The following PLAC8 variants were observed in gnomAD, a reference collection of about 807,000 sequenced individuals.
PLAC8 encodes the protein placenta associated 8.
In PLAC8, 6 loss-of-function variants were observed where a neutral mutation model predicts 12.6. The ratio of observed to expected loss-of-function variants is 0.48; its 90% CI spans 0.26 to 0.94. The LOEUF (loss-of-function observed/expected upper bound fraction) is 0.94. Ranked by LOEUF, PLAC8 falls within the 40% of genes least tolerant of loss-of-function variation. The pLI, the probability that PLAC8 is intolerant of heterozygous loss-of-function variation, is 0.14. For missense variants in PLAC8, 122 were observed against 152.7 expected, an observed-to-expected ratio of 0.80 and a Z score of 1.06; for synonymous variants, 54 against 52.6, an observed-to-expected ratio of 1.03 and a Z score of -0.11.
At chr4:83,099,692 G>A (rs1439628611) in intron 3 of PLAC8, among the ~76,000 whole-genome samples, 1 of 151,956 alleles carries the variant, frequency 6.6e-6, no homozygotes, top group African/African-American at 2.4e-5. Flanking sequence ...CGTGAGATCT[G>A]GTTGTTTAAA....
At chr4:83,091,157 A>C (rs982522677) in intron 4 of PLAC8, among the ~76,000 whole-genome samples, 186 bp from the exon 5 acceptor site, 1 of 152,214 alleles carries the variant, frequency 6.6e-6, no homozygotes, top group Admixed American at 6.6e-5. Flanking sequence ...AGGTTTGTCA[A>C]AACTAATGAA....
chr4:83,106,238 AT>A (rs1732237178), intron 2 of PLAC8, among the ~76,000 whole-genome samples: 1 of 151,530 alleles, frequency 6.6e-6, no homozygotes, highest in African/African-American at 2.4e-5. Flanking sequence ...TGACCTTGTG[AT>A]CTGCCCGCCT....
At chr4:83,104,688 A>C (rs1305774738) in intron 3 of PLAC8, among the ~76,000 whole-genome samples, 1 of 152,190 alleles carries the variant, frequency 6.6e-6, no homozygotes, top group East Asian at 1.9e-4. Context: ...AATATGAGTT[A>C]TCAATTTTCT....
intron 3 of PLAC8, among the ~76,000 whole-genome samples, chr4:83,097,358 G>A (rs1413068431): frequency 6.6e-6 from 1 of 152,030 alleles, no homozygotes; most frequent in Non-Finnish European, 1.5e-5. Context: ...AAACTTTAAC[G>A]CCTTTTTGTT....
At chr4:83,099,810 A>G (rs1318252300) in intron 3 of PLAC8, among the ~76,000 whole-genome samples, 2 of 136,510 alleles carry the variant, frequency 1.5e-5, no homozygotes, top group East Asian at 2.0e-4. Flanking sequence ...ATCCTGGCCA[A>G]CATGGTGAAA....
intron 2 of PLAC8, among the ~76,000 whole-genome samples, chr4:83,106,289 A>G (rs905048074): frequency 6.6e-6 from 1 of 151,468 alleles, no homozygotes; most frequent in Non-Finnish European, 1.5e-5. Context: ...GTGAGCCACC[A>G]CGCCCAGCCT....
chr4:83,108,572 C>A (rs544558637), intron 1 of PLAC8, among the ~76,000 whole-genome samples: 1 of 152,110 alleles, frequency 6.6e-6, no homozygotes, highest in African/African-American at 2.4e-5. Flanking sequence ...CCAGCCTGGG[C>A]GACAGAGTGA....
At chr4:83,096,892 A>G (rs1012170085) in intron 3 of PLAC8, among the ~76,000 whole-genome samples, 13 of 152,174 alleles carry the variant, frequency 8.5e-5, no homozygotes, top group African/African-American at 3.1e-4. Flanking sequence ...CTAGGAGATG[A>G]GACTCTCATG....
At chr4:83,097,470 G>A (rs999112019) in intron 3 of PLAC8, among the ~76,000 whole-genome samples, 10 of 152,184 alleles carry the variant, frequency 6.6e-5, no homozygotes, top group African/African-American at 2.4e-4. Flanking sequence ...ATTAAGGTCA[G>A]ATTTGCTAAA....
intron 3 of PLAC8, among the ~76,000 whole-genome samples, chr4:83,103,257 C>T (rs140076070): frequency 1.1e-4 from 16 of 148,754 alleles, no homozygotes; most frequent in African/African-American, 3.7e-4. Context: ...TAGCTGGGCA[C>T]GGTGGCGGGT....
intron 2 of PLAC8, among the ~76,000 whole-genome samples, 162 bp downstream of exon 2, chr4:83,107,620 CTTTTTTTTTTTTTTTTTTTTTT>C (rs70946974): frequency 5.1e-4 from 7 of 13,856 alleles, no homozygotes; most frequent in Admixed American, 7.2e-4. Flanking sequence ...CATACGGAGG[CTTTTTTTTTTTTTTTTTTTTTT>C]TTTTTTTTTT....
chr4:83,104,864 A>G (rs1412891401), intron 3 of PLAC8, 32 bp downstream of exon 3: 4 of 1,610,132 alleles, frequency 2.5e-6, no homozygotes, highest in Non-Finnish European at 3.4e-6. Context: ...TGGGGTGCAT[A>G]TTTGAGTGAG....
At chr4:83,092,442 C>A (rs1560450758) in intron 4 of PLAC8, among the ~76,000 whole-genome samples, 1 of 151,702 alleles carries the variant, frequency 6.6e-6, no homozygotes, top group African/African-American at 2.4e-5. Flanking sequence ...CTATGTTGCC[C>A]AGGCTGGTCG....
chr4:83,103,650 G>A (rs956635092), intron 3 of PLAC8, among the ~76,000 whole-genome samples: 73 of 152,206 alleles, frequency 4.8e-4, no homozygotes, highest in African/African-American at 1.7e-3. Flanking sequence ...AGACTTCATT[G>A]TTGCCTTATT....
In PLAC8 at chr4:83,112,160, C is replaced by G. The variant is rs185399307; in HGVS notation, c.-30+2506G>C. Among the ~76,000 whole-genome samples, 137 of 140,386 alleles carry G rather than the reference C, an allele frequency of 9.8e-4. 1 individual carries two copies. Among genetic ancestry groups the G allele is most frequent in the Admixed American group, 8.3e-3 (117 of 14,086 alleles). 92.1% of individuals were successfully genotyped at this position (140,386 alleles called of 152,430 possible). ...TTGCATTCCAGCCTGGATGACAGAGCGAGACTCCGTCTCAAAAAAAAAAAA... is the reference window on the plus strand; with the variant it reads ...TTGCATTCCAGCCTGGATGACAGAGGGAGACTCCGTCTCAAAAAAAAAAAA... On this transcript the variant is annotated intron_variant, in intron 1 of 4. Transcript: ENST00000311507.
At chr4:83,094,961 A>G (rs1260996489) in intron 3 of PLAC8, among the ~76,000 whole-genome samples, 170 bp from the exon 4 acceptor site, 1 of 152,228 alleles carries the variant, frequency 6.6e-6, no homozygotes, top group Non-Finnish European at 1.5e-5. Flanking sequence ...GTCTCATTTT[A>G]TGACGGAAAA....
chr4:83,111,630 A>G (rs1466258178), intron 1 of PLAC8, among the ~76,000 whole-genome samples: 3 of 152,236 alleles, frequency 2.0e-5, no homozygotes, highest in Non-Finnish European at 4.4e-5. Flanking sequence ...CTTTCAGAGG[A>G]AAAACATGTT....
chr4:83,109,097 T>A (rs1387533496), intron 1 of PLAC8, among the ~76,000 whole-genome samples: 1 of 152,184 alleles, frequency 6.6e-6, no homozygotes. Context: ...TGAGAGCAGC[T>A]TTGCCCAAGT....
rs181453740 is a variant in PLAC8 at position 83,103,168 on chromosome 4, G to A, written c.243+1728C>T. Among the ~76,000 whole-genome samples, 285 of 151,708 alleles carry A rather than the reference G, an allele frequency of 1.9e-3. 2 individuals are homozygous for A. The highest frequency in any genetic ancestry group is 6.6e-3 in the African/African-American group (273 of 41,380). On this transcript the variant is annotated intron_variant, in intron 3 of 4. Transcript: ENST00000311507. ...TCCCAGCACTGTGGGAGGCCGAGGC[G>A]GGCGGATCACAAGGTCAAGAGATCA...
Sources: gnomAD v4.1 joint callset for allele counts (sites outside exome capture counted in the v4.1 genomes callset) on GRCh38, gnomAD v4.1.1 for gene constraint, MANE v1.5 for transcripts, NCBI Gene and HGNC (gene_info 2026-07-23, HGNC 2026-07-21) for gene names.